The following CELF4 variants were observed in gnomAD, a reference collection of about 807,000 sequenced individuals.
CELF4 encodes CUGBP Elav-like family member 4, also known as CUG-BP- and ETR-3-like factor 4.
Under a neutral mutation model 59.9 loss-of-function variants are expected in CELF4, and 18 were observed. The observed-to-expected ratio is 0.30, with a 90% CI of 0.21 to 0.45. The LOEUF is 0.45. Ranked by LOEUF, CELF4 falls within the 20% of genes least tolerant of loss-of-function variation. CELF4 has a pLI of 1.00. For synonymous variants in CELF4, 261 were observed against 267.1 expected (o/e 0.98, Z 0.22); for missense variants, 456 against 689.0 (o/e 0.66, Z 3.79).
chr18:37,314,348 T>C (rs994925071), intron 3 of CELF4, among the ~76,000 whole-genome samples: 1 of 151,964 alleles, frequency 6.6e-6, no homozygotes, highest in African/African-American at 2.4e-5. Context: ...CCAGCTACTC[T>C]GGGGGCTGCG....
At position 37,321,976 on chromosome 18, in the gene CELF4, A is replaced by C. The variant is rs2097139338; in HGVS notation, c.370-95T>G. On this transcript the variant is annotated intron_variant, in intron 2 of 12. Coordinates refer to ENST00000420428, the MANE Select transcript of CELF4 (RefSeq NM_020180.4). The stretch of plus-strand genomic sequence containing the variant: ...GGTGCACAGGTGAATGCGAGTATAC[A>C]GACTGCACCCACAGACACGCGCTCC... The C allele has an allele frequency of 4.4e-6, 4 of 913,344 alleles. No homozygotes were observed. The South Asian group carries it at 7.6e-5, about 17-fold the overall frequency. The allele number at this position is 913,344 out of a possible 1,614,324, so 56.6% of individuals were successfully genotyped here.
chr18:37,389,440 T>C (rs967460749), intron 2 of CELF4, among the ~76,000 whole-genome samples: 8 of 152,212 alleles, frequency 5.3e-5, no homozygotes, highest in African/African-American at 1.9e-4. Context: ...ACCATTACAC[T>C]GCTAATTTAA....
chr18:37,393,161 TGAG>T (rs1381012805), intron 2 of CELF4, among the ~76,000 whole-genome samples: 1 of 151,998 alleles, frequency 6.6e-6, no homozygotes, highest in African/African-American at 2.4e-5. Flanking sequence ...GGTACAGGCT[TGAG>T]GAGATGGCTT....
At chr18:37,334,712 C>T (rs1005860712) in intron 2 of CELF4, among the ~76,000 whole-genome samples, 1 of 152,028 alleles carries the variant, frequency 6.6e-6, no homozygotes, top group Admixed American at 6.5e-5. Context: ...TCCACCCTCA[C>T]CCTGCCCTGA....
At chr18:37,292,258 G>A (rs7240127) in intron 3 of CELF4, among the ~76,000 whole-genome samples, 47,992 of 152,042 alleles carry the variant, frequency 0.32, 8,738 homozygotes, top group East Asian at 0.51. Context: ...TGAACACCTT[G>A]TCAGTTCCAG....
At chr18:37,306,127 A>G (rs2096384701) in intron 3 of CELF4, 1 of 152,128 alleles carries the variant, frequency 6.6e-6, no homozygotes, top group Non-Finnish European at 1.5e-5. Flanking sequence ...TTTTGAGCAA[A>G]CCTGGGTCCT....
intron 2 of CELF4, among the ~76,000 whole-genome samples, chr18:37,412,946 A>G (rs2099486859): frequency 6.6e-6 from 1 of 151,918 alleles, no homozygotes; most frequent in African/African-American, 2.4e-5. Flanking sequence ...AGTAGTAATG[A>G]TACTCACTGC....
intron 1 of CELF4, among the ~76,000 whole-genome samples, chr18:37,549,123 G>A (rs2099982346): frequency 1.3e-5 from 2 of 152,176 alleles, no homozygotes; most frequent in African/African-American, 4.8e-5. Flanking sequence ...CTCCCAAACA[G>A]TCTACGCTGT....
intron 2 of CELF4, among the ~76,000 whole-genome samples, chr18:37,324,312 G>T (rs1325959036): frequency 6.6e-6 from 1 of 152,186 alleles, no homozygotes; most frequent in Non-Finnish European, 1.5e-5. Context: ...GGTACTTAAG[G>T]TTGAATGGAG....
At chr18:37,328,816 G>A (rs975939756) in intron 2 of CELF4, among the ~76,000 whole-genome samples, 5 of 152,082 alleles carry the variant, frequency 3.3e-5, no homozygotes, top group Non-Finnish European at 4.4e-5. Flanking sequence ...CAGCAGACCC[G>A]CACGCTAGAG....
chr18:37,561,982 T>C (rs868283034), intron 1 of CELF4, among the ~76,000 whole-genome samples: 11 of 152,216 alleles, frequency 7.2e-5, no homozygotes, highest in Non-Finnish European at 1.3e-4. Context: ...GGGTGTTGTT[T>C]CTTTGAATTT....
intron 1 of CELF4, among the ~76,000 whole-genome samples, chr18:37,502,659 G>T (rs946698484): frequency 4.6e-5 from 7 of 152,106 alleles, no homozygotes; most frequent in Non-Finnish European, 7.4e-5. Context: ...CCAGCTGCAG[G>T]GTTTCTTCCC....
At chr18:37,461,572 C>T (rs1200673395) in intron 2 of CELF4, among the ~76,000 whole-genome samples, 5 of 152,248 alleles carry the variant, frequency 3.3e-5, no homozygotes, top group East Asian at 1.9e-4. Context: ...AACTACAATT[C>T]GAGATGAGAT....
At chr18:37,515,567 G>A (rs142870103) in intron 1 of CELF4, among the ~76,000 whole-genome samples, 3 of 152,328 alleles carry the variant, frequency 2.0e-5, no homozygotes, top group African/African-American at 7.2e-5. Flanking sequence ...CATCAAGACC[G>A]TAACGCTGGA....
At chr18:37,524,314 G>C (rs774286264) in intron 1 of CELF4, among the ~76,000 whole-genome samples, 1 of 152,186 alleles carries the variant, frequency 6.6e-6, no homozygotes. Flanking sequence ...GGGTGACAAG[G>C]TGGAAGAAGG....
At chr18:37,277,839 C>A (rs2093575322) in intron 3 of CELF4, among the ~76,000 whole-genome samples, 1 of 152,122 alleles carries the variant, frequency 6.6e-6, no homozygotes, top group South Asian at 2.1e-4. Context: ...AGAAATGGAA[C>A]CCCGCCCCTG....
intron 2 of CELF4, among the ~76,000 whole-genome samples, chr18:37,384,121 GGATT>G (rs1254470381): frequency 6.6e-6 from 1 of 151,584 alleles, no homozygotes; most frequent in Non-Finnish European, 1.5e-5. Context: ...ATAGATACAT[GGATT>G]GATTGATTGA....
chr18:37,395,654 C>T (rs182620383), intron 2 of CELF4, among the ~76,000 whole-genome samples: 1 of 152,322 alleles, frequency 6.6e-6, no homozygotes, highest in Admixed American at 6.5e-5. Context: ...TGTTTCTTGC[C>T]TGGGGGCACG....
chr18:37,315,714 A>C (rs1255120329), intron 3 of CELF4, among the ~76,000 whole-genome samples: 6 of 152,278 alleles, frequency 3.9e-5, no homozygotes, highest in Non-Finnish European at 1.5e-5. Flanking sequence ...GGGAGGCGGG[A>C]AAGAAACGTC....
Sources: allele counts gnomAD v4.1 joint callset (sites outside exome capture counted in the v4.1 genomes callset), GRCh38; gene constraint gnomAD v4.1.1; transcripts MANE v1.5; gene names NCBI Gene and HGNC (gene_info 2026-07-23, HGNC 2026-07-21).